STMN2: variants seen among roughly 807,000 people sequenced by gnomAD.
STMN2 encodes stathmin-2.
In STMN2, 2 loss-of-function variants were observed where a neutral mutation model predicts 24.1. The ratio of observed to expected loss-of-function variants is 0.08; its 90% CI spans 0.03 to 0.26. The LOEUF (loss-of-function observed/expected upper bound fraction) is 0.26. Among genes scored for constraint, STMN2 ranks in the 10% least tolerant of loss-of-function variants. The pLI is 1.00. For missense variants in STMN2, 114 were observed against 213.6 expected, an observed-to-expected ratio of 0.53 and a Z score of 2.91; for synonymous variants, 83 against 77.5, an observed-to-expected ratio of 1.07 and a Z score of -0.37.
chr8:79,612,863 G>T, intron 1 of STMN2, among the ~76,000 whole-genome samples: 1 of 152,100 alleles, frequency 6.6e-6, no homozygotes, highest in African/African-American at 2.4e-5. Flanking sequence ...TGAGCTGTAT[G>T]CAGTCCTGGA....
chr8:79,638,478 C>T (rs1476635034), intron 2 of STMN2, among the ~76,000 whole-genome samples: 1 of 152,082 alleles, frequency 6.6e-6, no homozygotes, highest in African/African-American at 2.4e-5. Flanking sequence ...AACTGTGCTT[C>T]CTAAAAGAGT....
At chr8:79,639,830 A>C (rs1810051720) in intron 2 of STMN2, among the ~76,000 whole-genome samples, 1 of 152,210 alleles carries the variant, frequency 6.6e-6, no homozygotes. Context: ...ATTTGTGATG[A>C]GAACAAAAAA....
rs555100204 is a variant in STMN2, at chr8:79,622,076, G to C, written c.19+10862G>C. 1.2e-4 allele frequency among the ~76,000 whole-genome samples: 19 copies of C among 152,306 alleles called. No homozygotes were observed. In the South Asian group the frequency reaches 2.7e-3, roughly 22 times the overall value. On this transcript the variant is annotated intron_variant, in intron 1 of 4. Transcript: ENST00000220876. The stretch of plus-strand genomic sequence containing the variant: ...CCCAAAAGTCCTTAGGTCAGTAACT[G>C]TTCCTGTTACAGGTAAGAGAGAGCA...
At chr8:79,650,231 T>G (rs1246051353) in intron 3 of STMN2, among the ~76,000 whole-genome samples, 1 of 152,186 alleles carries the variant, frequency 6.6e-6, no homozygotes, top group Non-Finnish European at 1.5e-5. Flanking sequence ...GCCAGATACT[T>G]TTTCCTTGAA....
chr8:79,663,598 T>G (rs1219444941), intron 4 of STMN2: 1 of 1,528,844 alleles, frequency 6.5e-7, no homozygotes, highest in Non-Finnish European at 8.7e-7. Flanking sequence ...GTTTATTTCT[T>G]CTGAACTAAA....
chr8:79,643,742 T>C (rs960508097), intron 3 of STMN2, among the ~76,000 whole-genome samples: 3 of 152,156 alleles, frequency 2.0e-5, no homozygotes, highest in African/African-American at 4.8e-5. Flanking sequence ...TCAATGATTA[T>C]ACATTTAAAC....
intron 3 of STMN2, among the ~76,000 whole-genome samples, chr8:79,649,133 A>C (rs1462411649): frequency 6.6e-6 from 1 of 152,216 alleles, no homozygotes. Flanking sequence ...GGCATCTCAC[A>C]TTGTAGATGG....
Position 79,664,829 on chromosome 8 carries a change from G to T in STMN2, c.495G>T (p.Ala165=), listed in dbSNP as rs772336347. 6.2e-7 allele frequency: 1 copy of T among 1,612,906 alleles called. No homozygotes were observed. The highest frequency in any genetic ancestry group is 1.7e-5 in the Admixed American group (1 of 59,938). ...ERLQEKERHA[A]EVRRNKELQV... ...GTGTTTTTTAGGAGAGGCATGCTGC[G>T]GAGGTGCGCAGGAACAAGGAACTCC... The change falls in exon 5 of 5, where the codon GCG becomes GCT. Residue 165 remains alanine, a synonymous_variant. Transcript: ENST00000220876.
chr8:79,655,597 T>C (rs79724222), intron 4 of STMN2, among the ~76,000 whole-genome samples: 4,253 of 152,224 alleles, frequency 0.028, 96 homozygotes, highest in East Asian at 0.097. Context: ...GATTAGCTCA[T>C]AGGGGATGTT....
intron 1 of STMN2, among the ~76,000 whole-genome samples, chr8:79,628,133 G>A (rs1218838972): frequency 6.6e-6 from 1 of 151,816 alleles, no homozygotes; most frequent in African/African-American, 2.4e-5. Flanking sequence ...TGGGACTGCT[G>A]GATCATCTAG....
At chr8:79,663,757 T>C in intron 4 of STMN2, 1 of 991,818 alleles carries the variant, frequency 1.0e-6, no homozygotes, top group Non-Finnish European at 1.4e-6. Flanking sequence ...CTATGATATA[T>C]GCAAGACAGT....
At chr8:79,637,306 T>C (rs1394043223) in intron 2 of STMN2, among the ~76,000 whole-genome samples, 1 of 152,230 alleles carries the variant, frequency 6.6e-6, no homozygotes, top group East Asian at 1.9e-4. Context: ...TATTGTAGTC[T>C]TTATAAAGTT....
At chr8:79,643,835 A>G (rs1236830102) in intron 3 of STMN2, among the ~76,000 whole-genome samples, 3 of 152,162 alleles carry the variant, frequency 2.0e-5, no homozygotes, top group Non-Finnish European at 1.5e-5. Flanking sequence ...CCCAGAAAAA[A>G]AAAATTCCTT....
At chr8:79,634,111 A>C (rs1423085528) in intron 1 of STMN2, among the ~76,000 whole-genome samples, 2 of 152,198 alleles carry the variant, frequency 1.3e-5, no homozygotes, top group Admixed American at 6.5e-5. Context: ...TATGTGCTTA[A>C]TTTTGCAAAA....
At chr8:79,641,607 C>T in intron 3 of STMN2, 57 bp downstream of exon 3, 6 of 1,349,370 alleles carry the variant, frequency 4.4e-6, no homozygotes, top group Non-Finnish European at 6.2e-6. Flanking sequence ...CTCCCTCTCA[C>T]ACACTCGGGC....
chr8:79,615,650 G>A (rs1297799899), intron 1 of STMN2, among the ~76,000 whole-genome samples: 1 of 152,176 alleles, frequency 6.6e-6, no homozygotes, highest in African/African-American at 2.4e-5. Context: ...GATGATTGAT[G>A]TAAACCTAGT....
chr8:79,649,455 T>C (rs1313211335), intron 3 of STMN2, among the ~76,000 whole-genome samples: 1 of 152,192 alleles, frequency 6.6e-6, no homozygotes, highest in African/African-American at 2.4e-5. Context: ...AAAGTGAATA[T>C]TGTACTCTTT....
chr8:79,663,893 T>A (rs2920944), intron 4 of STMN2, among the ~76,000 whole-genome samples: 2 of 152,194 alleles, frequency 1.3e-5, no homozygotes, highest in East Asian at 3.9e-4. Context: ...CAGTTCCCAA[T>A]CCCAGGCTAG....
At chr8:79,641,028 T>C (rs1810084581) in intron 2 of STMN2, among the ~76,000 whole-genome samples, 1 of 152,352 alleles carries the variant, frequency 6.6e-6, no homozygotes, top group East Asian at 1.9e-4. Flanking sequence ...TCTGTGCTAC[T>C]TGATTTTCAT....
Sources: allele counts gnomAD v4.1 joint callset (sites outside exome capture counted in the v4.1 genomes callset), GRCh38; gene constraint gnomAD v4.1.1; transcripts MANE v1.5; gene names NCBI Gene and HGNC (gene_info 2026-07-23, HGNC 2026-07-21).